Variants in LPCAT1 observed in about 807,000 individuals in gnomAD.
LPCAT1 encodes 1-acylglycerol-3-phosphate O-acyltransferase.
Under a neutral mutation model 60.9 loss-of-function variants are expected in LPCAT1, and 23 were observed. The observed-to-expected ratio is 0.38, with a 90% CI of 0.27 to 0.53. The LOEUF (loss-of-function observed/expected upper bound fraction) is 0.53, where lower values mean the gene tolerates loss of function less well. LPCAT1 is among the 20% of genes least tolerant of loss of function. The pLI is 0.82. For missense variants in LPCAT1, 622 were observed against 723.6 expected, an observed-to-expected ratio of 0.86 and a Z score of 1.61; for synonymous variants, 340 against 301.1, an observed-to-expected ratio of 1.13 and a Z score of -1.34.
intron 2 of LPCAT1, among the ~76,000 whole-genome samples, chr5:1,498,580 T>C (rs986652058): frequency 4.9e-4 from 75 of 152,254 alleles, no homozygotes; most frequent in Admixed American, 5.2e-4. Flanking sequence ...CATACACATA[T>C]GTACATACAT....
rs954073344 is a variant in LPCAT1, at chr5:1,480,344, C to T, written c.761+598G>A. On this transcript the variant is annotated intron_variant, in intron 7 of 13. Transcript: ENST00000283415. The surrounding 1 kb of genome is among the most constrained non-coding windows in gnomAD (Gnocchi z 6.4). ...ACCAGCGGACCCACATCCTCCCAAA[C>T]GCCTGGAATGGAGCTGCTCTCTCTT... The T allele has an allele frequency of 8.1e-6, 8 of 985,160 alleles. No individual in the cohort carries two copies. Among genetic ancestry groups the T allele is most frequent in the South Asian group, 4.7e-5 (1 of 21,286 alleles). The allele number at this position is 985,160 out of a possible 1,614,324, so 61.0% of individuals were successfully genotyped here. A position where few individuals can be genotyped will look rare whatever the true frequency, so the allele number is the denominator to read the frequency against.
chr5:1,466,725 A>C, intron 13 of LPCAT1, 24 bp downstream of exon 13: 1 of 1,592,852 alleles, frequency 6.3e-7, no homozygotes, highest in Non-Finnish European at 8.6e-7. Context: ...GGTCGCGAGG[A>C]CGACCCCACT....
rs188552679 is a variant in LPCAT1 at position 1,477,050 on chromosome 5, G to T, written c.899+354C>A. Among the ~76,000 whole-genome samples, 18 of 152,358 alleles carry T rather than the reference G, an allele frequency of 1.2e-4. No homozygotes were observed. Among genetic ancestry groups the T allele is most frequent in the African/African-American group, 4.1e-4 (17 of 41,582 alleles). ...CGGTAAGTATCACACAGGCAGATGA[G>T]CAAAGGTAGGCGTGGAGGCCGCCGC... On this transcript the variant is annotated intron_variant, in intron 9 of 13. Coordinates refer to ENST00000283415, the MANE Select transcript of LPCAT1 (RefSeq NM_024830.5). This position sits in a 1 kb window ranked among gnomAD's most constrained non-coding sequence, Gnocchi z 6.0.
chr5:1,473,359 C>T (rs1233304250), intron 11 of LPCAT1, among the ~76,000 whole-genome samples: 5 of 152,380 alleles, frequency 3.3e-5, no homozygotes, highest in East Asian at 1.9e-4. Context: ...ACCTGTGGCT[C>T]GCCGTGGCAG....
At chr5:1,510,301 C>CT (rs1335414597) in intron 1 of LPCAT1, among the ~76,000 whole-genome samples, 1 of 152,192 alleles carries the variant, frequency 6.6e-6, no homozygotes, top group African/African-American at 2.4e-5. Context: ...TTAAATATAG[C>CT]TTTTCTAAAA....
intron 13 of LPCAT1, among the ~76,000 whole-genome samples, chr5:1,465,863 G>C (rs968041648): frequency 4.8e-5 from 6 of 124,028 alleles, no homozygotes; most frequent in Non-Finnish European, 1.0e-4. Context: ...TGCACTTTCA[G>C]TACTGAAACA....
rs997197165 is a variant in LPCAT1 at position 1,510,665 on chromosome 5, C to T, written c.136-9062G>A. 2.0e-5 allele frequency: 3 copies of T among 152,474 alleles called. No individual in the cohort carries two copies. The South Asian group carries it at 6.2e-4, about 32-fold the overall frequency. 9.4% of individuals were successfully genotyped at this position (152,474 alleles called of 1,614,324 possible). A position where few individuals can be genotyped will look rare whatever the true frequency, so the allele number is the denominator to read the frequency against. Reference sequence around the variant, plus strand: ...CCCCCATCAACACCCAACCAGCTCCCCTGTGAGCCAGCTTCCAGGATACAG... The same window carrying T: ...CCCCCATCAACACCCAACCAGCTCCTCTGTGAGCCAGCTTCCAGGATACAG... On this transcript the variant is annotated intron_variant, in intron 1 of 13. Transcript: ENST00000283415.
At chr5:1,485,587 G>A (rs1735340039) in intron 5 of LPCAT1, among the ~76,000 whole-genome samples, 1 of 152,194 alleles carries the variant, frequency 6.6e-6, no homozygotes, top group Non-Finnish European at 1.5e-5. Context: ...GGACCCCTGA[G>A]GCCCCCAGAA....
rs971995014 is a variant in LPCAT1, at chr5:1,501,529, G to C, written c.210C>G (p.Pro70=). The change falls in exon 2 of 14, where the codon CCC becomes CCG. Residue 70 remains proline (P), a synonymous_variant. Transcript: ENST00000283415. ...AGCCCAGGGATGCGACAAGTGCGAG[G>C]GGCCAGGCCAGCAGCATCATGGCAG... ...VAAAMMLLAW[P]LALVASLGSA... 6.2e-7 allele frequency: 1 copy of C among 1,614,006 alleles called. No homozygotes were observed. Among genetic ancestry groups the C allele is most frequent in the Non-Finnish European group, 8.5e-7 (1 of 1,179,954 alleles).
chr5:1,509,981 T>C (rs1299566796), intron 1 of LPCAT1, among the ~76,000 whole-genome samples: 2 of 152,234 alleles, frequency 1.3e-5, no homozygotes, highest in Non-Finnish European at 2.9e-5. Context: ...GACGGTTTCA[T>C]TGGGAGGAAC....
At chr5:1,499,852 GA>G (rs1448784798) in intron 2 of LPCAT1, among the ~76,000 whole-genome samples, 33 of 152,390 alleles carry the variant, frequency 2.2e-4, no homozygotes, top group African/African-American at 7.5e-4. Context: ...GTATCAAGGA[GA>G]ACCGAAGCTC....
rs1005711870 is a variant in LPCAT1, at chr5:1,496,809, G to A, written c.279-1895C>T. Among the ~76,000 whole-genome samples, 7 of 152,198 alleles carry A rather than the reference G, an allele frequency of 4.6e-5. No individual in the cohort carries two copies. The highest frequency in any genetic ancestry group is 4.1e-4 in the South Asian group (2 of 4,832). ...GATGACAGCCTCAGAGAAAAGCTCC[G>A]CTTGCTGTGGGGTTGGGGACCCAGC... is the stretch of plus-strand genomic sequence containing the variant. On this transcript the variant is annotated intron_variant, in intron 2 of 13. Coordinates refer to ENST00000283415, the MANE Select transcript of LPCAT1 (RefSeq NM_024830.5). This position sits in a 1 kb window ranked among gnomAD's most constrained non-coding sequence, Gnocchi z 4.7.
intron 3 of LPCAT1, among the ~76,000 whole-genome samples, chr5:1,494,002 G>A (rs1442102466): frequency 6.6e-6 from 1 of 152,248 alleles, no homozygotes; most frequent in Non-Finnish European, 1.5e-5. Context: ...AGGAGGAAGA[G>A]GCAGGAAGGG....
At chr5:1,520,639 T>C (rs2126629273) in intron 1 of LPCAT1, among the ~76,000 whole-genome samples, 1 of 151,590 alleles carries the variant, frequency 6.6e-6, no homozygotes, top group Non-Finnish European at 1.5e-5. Context: ...GGCGGGAGGA[T>C]CACAAGGTCA....
rs543776818 is a variant in LPCAT1 at position 1,496,609 on chromosome 5, C to T, written c.279-1695G>A. 2.6e-5 allele frequency among the ~76,000 whole-genome samples: 4 copies of T among 152,178 alleles called. No individual in the cohort carries two copies. The East Asian group carries it at 5.8e-4, about 22-fold the overall frequency. ...AAAAAAGGGATTAAAACCCGGGCGG[C>T]CCTTAGAGGAACACACCTGCCAGCC... On this transcript the variant is annotated intron_variant, in intron 2 of 13. Coordinates refer to ENST00000283415, the MANE Select transcript of LPCAT1 (RefSeq NM_024830.5). The surrounding 1 kb of genome is among the most constrained non-coding windows in gnomAD (Gnocchi z 4.7).
Position 1,463,588 on chromosome 5 carries a change from C to T in LPCAT1, c.*63G>A, listed in dbSNP as rs866421678. ...AGGAGCGGAGCCCAGAGGTCACTCG[C>T]AAAGAGGCTCATGGCGGTGATGTCC... On this transcript the variant is annotated 3_prime_UTR_variant, in exon 14 of 14. Transcript: ENST00000283415. The T allele has an allele frequency of 1.5e-5, 24 of 1,575,674 alleles. No individual in the cohort carries two copies. The Middle Eastern group carries it at 1.1e-3, about 75-fold the overall frequency.
intron 5 of LPCAT1, among the ~76,000 whole-genome samples, chr5:1,484,013 G>A (rs1168040148): frequency 1.3e-5 from 2 of 152,224 alleles, no homozygotes; most frequent in Non-Finnish European, 2.9e-5. Flanking sequence ...ACGGGGTTAG[G>A]GTCTGCCCTC....
Position 1,487,778 on chromosome 5 carries a change from C to T in LPCAT1, c.667+613G>A, listed in dbSNP as rs1196635682. Among the ~76,000 whole-genome samples the T allele has an allele frequency of 6.6e-6, 1 of 152,108 alleles. No homozygotes were observed. The highest frequency in any genetic ancestry group is 1.5e-5 in the Non-Finnish European group (1 of 68,034). On this transcript the variant is annotated intron_variant, in intron 5 of 13. Coordinates refer to ENST00000283415, the MANE Select transcript of LPCAT1 (RefSeq NM_024830.5). This position sits in a 1 kb window ranked among gnomAD's most constrained non-coding sequence, Gnocchi z 6.1. ...GGATCCAGGTGGACCCTCTGACACG[C>T]CCAAGGGTGTGCAGAATTCCAAACA...
chr5:1,473,704 G>A (rs761306981), intron 11 of LPCAT1, among the ~76,000 whole-genome samples: 17 of 152,174 alleles, frequency 1.1e-4, no homozygotes, highest in Non-Finnish European at 2.1e-4. Context: ...GTTAGACTCC[G>A]TAATCACACT....
Sources: allele counts gnomAD v4.1 joint callset (sites outside exome capture counted in the v4.1 genomes callset), GRCh38; gene constraint gnomAD v4.1.1; non-coding constraint Gnocchi (gnomAD v3.1); transcripts MANE v1.5; gene names NCBI Gene and HGNC (gene_info 2026-07-23, HGNC 2026-07-21).